PITPNB: variants seen among roughly 807,000 people sequenced by gnomAD.
PITPNB encodes phosphatidylinositol transfer protein beta, also known as phosphatidylinositol transfer protein beta isoform.
PITPNB carries 16 observed loss-of-function variants against 45.9 expected under a neutral mutation model. That is an observed-to-expected ratio of 0.35 (90% CI 0.24 to 0.53). The LOEUF is 0.53. PITPNB is among the 20% of genes least tolerant of loss of function. PITPNB has a pLI of 0.93. For synonymous variants in PITPNB, 112 were observed against 108.9 expected (o/e 1.03, Z -0.18); for missense variants, 188 against 330.5 (o/e 0.57, Z 3.34).
rs564182567 is a variant in PITPNB, at chr22:27,873,016, C to G, written c.534+722G>C. Among the ~76,000 whole-genome samples, 8 of 152,288 alleles carry G rather than the reference C, an allele frequency of 5.3e-5. No homozygotes were observed. In the East Asian group the frequency reaches 1.5e-3, roughly 29 times the overall value. ...GGCGCAGTGGCTCATGCCTGTAATC[C>G]CAACACTTTGGGAGGCCAGGGCGGG... On this transcript the variant is annotated intron_variant, in intron 8 of 11. Transcript: ENST00000335272.
chr22:27,900,119 G>C (rs1405712347), intron 3 of PITPNB, among the ~76,000 whole-genome samples: 1 of 151,884 alleles, frequency 6.6e-6, no homozygotes, highest in African/African-American at 2.4e-5. Flanking sequence ...TGAATTGCTT[G>C]AACCTGGGAG....
intron 8 of PITPNB, among the ~76,000 whole-genome samples, chr22:27,862,691 G>A (rs565894115): frequency 6.6e-6 from 1 of 152,276 alleles, no homozygotes; most frequent in East Asian, 1.9e-4. Context: ...CCATATTTTA[G>A]TAATATAATT....
chr22:27,884,244 A>T (rs554080958), intron 7 of PITPNB, among the ~76,000 whole-genome samples: 1 of 152,228 alleles, frequency 6.6e-6, no homozygotes, highest in East Asian at 1.9e-4. Flanking sequence ...CAAATGAGGA[A>T]AGGTACCAGA....
chr22:27,906,307 G>T (rs1483120685), intron 3 of PITPNB, among the ~76,000 whole-genome samples: 1 of 152,194 alleles, frequency 6.6e-6, no homozygotes. Flanking sequence ...ATACAATTGG[G>T]AATCTTAAAT....
chr22:27,856,721 T>C (rs929305676), intron 10 of PITPNB, among the ~76,000 whole-genome samples: 6 of 152,206 alleles, frequency 3.9e-5, no homozygotes, highest in African/African-American at 1.4e-4. Context: ...CAGTGCTGCA[T>C]CATGGGCTTA....
At chr22:27,878,285 G>C (rs909796209) in intron 7 of PITPNB, among the ~76,000 whole-genome samples, 1 of 152,044 alleles carries the variant, frequency 6.6e-6, no homozygotes, top group African/African-American at 2.4e-5. Context: ...ATGAGTTCCT[G>C]GATCCTATCA....
At chr22:27,893,670 A>G (rs948288796) in intron 7 of PITPNB, among the ~76,000 whole-genome samples, 1 of 147,866 alleles carries the variant, frequency 6.8e-6, no homozygotes, top group Non-Finnish European at 1.5e-5. Flanking sequence ...GCTCACTGCA[A>G]CCTCAAATTT....
intron 7 of PITPNB, among the ~76,000 whole-genome samples, chr22:27,874,419 C>G: frequency 6.6e-6 from 1 of 152,170 alleles, no homozygotes; most frequent in Non-Finnish European, 1.5e-5. Flanking sequence ...ACGTCATCCC[C>G]TCACTGTCAA....
chr22:27,893,287 CTTTTTTTTTTT>C (rs33997388), intron 7 of PITPNB, among the ~76,000 whole-genome samples: 1 of 141,380 alleles, frequency 7.1e-6, no homozygotes, highest in Non-Finnish European at 1.6e-5. Context: ...CTGTTTTTTC[CTTTTTTTTTTT>C]TTTTGAGACG....
intron 2 of PITPNB, among the ~76,000 whole-genome samples, chr22:27,912,888 A>G (rs1195786861): frequency 6.7e-6 from 1 of 150,276 alleles, no homozygotes; most frequent in Non-Finnish European, 1.5e-5. Flanking sequence ...AGGCTGAGGC[A>G]CGGAGAATTG....
rs190874915 is a variant in PITPNB at position 27,871,439 on chromosome 22, G to A, written c.534+2299C>T. Among the ~76,000 whole-genome samples, 329 of 152,318 alleles carry A rather than the reference G, an allele frequency of 2.2e-3. 1 individual carries two copies. The highest frequency in any genetic ancestry group is 7.4e-3 in the African/African-American group (306 of 41,574). On this transcript the variant is annotated intron_variant, in intron 8 of 11. Coordinates refer to ENST00000335272, the MANE Select transcript of PITPNB (RefSeq NM_012399.5). ...TCATGCCCCTTTACTCCCTGTAAAA[G>A]TATTGTCAGCTAGAGCTACTACTCA...
At chr22:27,860,306 C>T in intron 8 of PITPNB, 65 bp from the exon 9 acceptor site, 1 of 958,362 alleles carries the variant, frequency 1.0e-6, no homozygotes, top group Non-Finnish European at 1.6e-6. Flanking sequence ...TTAAAATTGA[C>T]TGTTGTATAA....
intron 7 of PITPNB, among the ~76,000 whole-genome samples, chr22:27,880,437 T>A (rs770180030): frequency 5.3e-5 from 8 of 152,116 alleles, no homozygotes; most frequent in Non-Finnish European, 1.2e-4. Flanking sequence ...TCAAAAACAT[T>A]TTCTGACTCT....
At chr22:27,871,228 A>G (rs1396399004) in intron 8 of PITPNB, among the ~76,000 whole-genome samples, 1 of 152,262 alleles carries the variant, frequency 6.6e-6, no homozygotes, top group Non-Finnish European at 1.5e-5. Context: ...AAAGTTAGAA[A>G]TCAGTACAAG....
chr22:27,910,987 C>T lies in PITPNB; in HGVS notation c.174G>A (p.Thr58=), dbSNP rs962311919. The T allele has an allele frequency of 1.5e-5, 24 of 1,612,654 alleles. No individual in the cohort carries two copies. Among genetic ancestry groups the T allele is most frequent in the Non-Finnish European group, 2.0e-5 (23 of 1,178,860 alleles). Residue 58 remains threonine, a synonymous_variant, in exon 3 of 12, where the codon ACG becomes ACA. Coordinates refer to ENST00000335272, the MANE Select transcript of PITPNB (RefSeq NM_012399.5). ...ACCTCTTTAGGTGATAAATTTTGTG[C>T]GTATACTGTCCCTTTTCTCCATCCT... The part of the protein sequence containing the change: ...YEKDGEKGQY[T]HKIYHLKSKV...
intron 10 of PITPNB, among the ~76,000 whole-genome samples, chr22:27,855,170 G>A (rs1458091993): frequency 1.3e-5 from 2 of 152,148 alleles, no homozygotes; most frequent in Non-Finnish European, 2.9e-5. Flanking sequence ...AAAAACAAAA[G>A]CCTGCAGACT....
chr22:27,856,608 TCTTCCCCA>T (rs1934181411), intron 10 of PITPNB, among the ~76,000 whole-genome samples: 2 of 152,224 alleles, frequency 1.3e-5, no homozygotes, highest in African/African-American at 4.8e-5. Context: ...TGGTAACTAC[TCTTCCCCA>T]TGTGACACAC....
chr22:27,863,323 T>C (rs1336873725), intron 8 of PITPNB, among the ~76,000 whole-genome samples: 2 of 152,076 alleles, frequency 1.3e-5, no homozygotes, highest in Non-Finnish European at 2.9e-5. Flanking sequence ...AAAGCAGGGG[T>C]GAGCGAACTA....
chr22:27,859,310 G>C (rs1934252776), intron 9 of PITPNB, among the ~76,000 whole-genome samples: 1 of 152,186 alleles, frequency 6.6e-6, no homozygotes, highest in East Asian at 1.9e-4. Context: ...AATAATCAAA[G>C]TTTCCAGCAC....
Sources: allele counts gnomAD v4.1 joint callset (sites outside exome capture counted in the v4.1 genomes callset), GRCh38; gene constraint gnomAD v4.1.1; transcripts MANE v1.5; gene names NCBI Gene and HGNC (gene_info 2026-07-23, HGNC 2026-07-21).